The following RABGAP1L variants were observed in gnomAD, a reference collection of about 807,000 sequenced individuals.
RABGAP1L encodes RAB GTPase activating protein 1 like.
RABGAP1L carries 63 observed loss-of-function variants against 137.7 expected under a neutral mutation model. The ratio of observed to expected loss-of-function variants is 0.46; its 90% confidence interval spans 0.37 to 0.56. The LOEUF (loss-of-function observed/expected upper bound fraction) is 0.56. Among genes scored for constraint, RABGAP1L ranks in the 20% least tolerant of loss-of-function variants. RABGAP1L has a pLI of 0.00. For synonymous variants in RABGAP1L, 431 were observed against 433.7 expected, an observed-to-expected ratio of 0.99 and a Z score of 0.08; for missense variants, 1,095 against 1,244.0, an observed-to-expected ratio of 0.88 and a Z score of 1.80.
At chr1:174,375,572 T>C (rs937889354) in intron 12 of RABGAP1L, among the ~76,000 whole-genome samples, 37 of 152,096 alleles carry the variant, frequency 2.4e-4, no homozygotes, top group African/African-American at 8.9e-4. Context: ...AAAATAATAT[T>C]ATAAGCAACT....
chr1:174,343,413 G>A (rs1231685514), intron 11 of RABGAP1L, among the ~76,000 whole-genome samples: 1 of 152,020 alleles, frequency 6.6e-6, no homozygotes, highest in Non-Finnish European at 1.5e-5. Context: ...GTGTATCTGA[G>A]TACCCTTTGT....
intron 6 of RABGAP1L, 149 bp downstream of exon 6, chr1:174,250,781 T>C: frequency 4.1e-6 from 3 of 732,794 alleles, no homozygotes; most frequent in Admixed American, 6.2e-5. Flanking sequence ...ATTCTTGTGC[T>C]TGTCAGATAT....
rs187770096 is a variant in RABGAP1L, at chr1:174,903,819, G to A, written c.2341-53638G>A. Reference sequence around the variant, plus strand: ...TACAAAATTAGCTGGACATGGTAGCGCATGCTTGTAATCCCAGCTACTTGG... The same window carrying A: ...TACAAAATTAGCTGGACATGGTAGCACATGCTTGTAATCCCAGCTACTTGG... On this transcript the variant is annotated intron_variant, in intron 19 of 25. Coordinates refer to ENST00000681986, the MANE Select transcript of RABGAP1L (RefSeq NM_001366446.1). 2.5e-3 allele frequency among the ~76,000 whole-genome samples: 378 copies of A among 152,060 alleles called. 4 individuals carry two copies. The highest frequency in any genetic ancestry group is 8.7e-3 in the African/African-American group (362 of 41,470).
At chr1:174,441,183 G>T (rs929138191) in intron 13 of RABGAP1L, among the ~76,000 whole-genome samples, 1 of 151,658 alleles carries the variant, frequency 6.6e-6, no homozygotes, top group Non-Finnish European at 1.5e-5. Flanking sequence ...ATTCCTCCTA[G>T]ATATTTTCTG....
chr1:174,319,264 T>A (rs1679715977), intron 11 of RABGAP1L, among the ~76,000 whole-genome samples: 1 of 152,126 alleles, frequency 6.6e-6, no homozygotes, highest in Admixed American at 6.6e-5. Context: ...CATATTTTAT[T>A]GGATTAATTT....
intron 19 of RABGAP1L, among the ~76,000 whole-genome samples, chr1:174,933,090 ACATG>A (rs1188287144): frequency 2.0e-5 from 3 of 151,748 alleles, no homozygotes; most frequent in Admixed American, 2.0e-4. Context: ...TTACATACAT[ACATG>A]CATACATACA....
At chr1:174,759,279 T>G (rs1406875811) in intron 18 of RABGAP1L, among the ~76,000 whole-genome samples, 1 of 127,010 alleles carries the variant, frequency 7.9e-6, no homozygotes, top group Non-Finnish European at 1.7e-5. Context: ...CTGGGTAATT[T>G]ATTTAAAAAA....
At chr1:174,636,814 C>T (rs1436042447) in intron 13 of RABGAP1L, among the ~76,000 whole-genome samples, 1 of 152,014 alleles carries the variant, frequency 6.6e-6, no homozygotes, top group Non-Finnish European at 1.5e-5. Context: ...TAACTTTTGC[C>T]TTAGCAATTA....
chr1:174,440,348 G>T (rs1179970357), intron 13 of RABGAP1L, among the ~76,000 whole-genome samples: 1 of 152,168 alleles, frequency 6.6e-6, no homozygotes, highest in Non-Finnish European at 1.5e-5. Context: ...GTGAATAATG[G>T]ATTGAAGAGA....
At chr1:174,429,324 G>A (rs1030003182) in intron 13 of RABGAP1L, among the ~76,000 whole-genome samples, 6 of 152,108 alleles carry the variant, frequency 3.9e-5, no homozygotes, top group African/African-American at 1.4e-4. Context: ...GAGTTATGAG[G>A]ATCTATAATA....
chr1:174,261,207 T>A (rs1673553709), intron 7 of RABGAP1L, among the ~76,000 whole-genome samples: 1 of 152,128 alleles, frequency 6.6e-6, no homozygotes, highest in African/African-American at 2.4e-5. Context: ...CAACTCAATT[T>A]GCAGTGAGTA....
chr1:174,191,336 GA>G (rs140220254), intron 1 of RABGAP1L, among the ~76,000 whole-genome samples: 2,149 of 152,294 alleles, frequency 0.014, 62 homozygotes, highest in African/African-American at 0.05. Context: ...AAACTGGGGT[GA>G]ATGAAGAGAG....
intron 3 of RABGAP1L, among the ~76,000 whole-genome samples, chr1:174,224,937 C>CTT (rs879383669): frequency 1.3e-5 from 2 of 148,180 alleles, no homozygotes; most frequent in Middle Eastern, 3.4e-3. Flanking sequence ...TTGAGTTTAT[C>CTT]TTTTTTTTTT....
At chr1:174,542,119 G>C (rs1293027598) in intron 13 of RABGAP1L, among the ~76,000 whole-genome samples, 1 of 152,150 alleles carries the variant, frequency 6.6e-6, no homozygotes. Context: ...AAATGAGTTA[G>C]GGAGGATTCC....
At chr1:174,174,908 A>T (rs543338614) in intron 1 of RABGAP1L, among the ~76,000 whole-genome samples, 1 of 152,338 alleles carries the variant, frequency 6.6e-6, no homozygotes, top group African/African-American at 2.4e-5. Context: ...CCTCATAGGC[A>T]AATGCGGAAA....
intron 1 of RABGAP1L, among the ~76,000 whole-genome samples, chr1:174,182,951 T>C (rs1363696467): frequency 1.3e-5 from 2 of 152,202 alleles, no homozygotes; most frequent in East Asian, 1.9e-4. Context: ...TCTGTGAACA[T>C]GTTGTAATAT....
At chr1:174,162,767 TTC>T (rs1491321926) in intron 1 of RABGAP1L, among the ~76,000 whole-genome samples, 8 of 138,696 alleles carry the variant, frequency 5.8e-5, no homozygotes, top group Non-Finnish European at 1.2e-4. Context: ...TTTTTTTTTT[TTC>T]TCTTTCTGTT....
chr1:174,948,160 G>T (rs999311026), intron 19 of RABGAP1L, among the ~76,000 whole-genome samples: 1 of 152,102 alleles, frequency 6.6e-6, no homozygotes, highest in African/African-American at 2.4e-5. Context: ...GTAAGACCTC[G>T]TGTATGATAG....
intron 18 of RABGAP1L, among the ~76,000 whole-genome samples, chr1:174,767,524 T>C (rs912901990): frequency 9.3e-6 from 1 of 106,998 alleles, no homozygotes; most frequent in African/African-American, 2.6e-5. Context: ...ACAACTGACT[T>C]TCCTTTTTTT....
Sources: gnomAD v4.1 joint callset for allele counts (sites outside exome capture counted in the v4.1 genomes callset) on GRCh38, gnomAD v4.1.1 for gene constraint, MANE v1.5 for transcripts, NCBI Gene and HGNC (gene_info 2026-07-23, HGNC 2026-07-21) for gene names.